The following DNAH5 variants were observed in gnomAD, a reference collection of about 807,000 sequenced individuals.
DNAH5 encodes axonemal beta dynein heavy chain 5.
DNAH5 carries 372 observed loss-of-function variants against 518.2 expected under a neutral mutation model. The ratio of observed to expected loss-of-function variants is 0.72; its 90% confidence interval spans 0.66 to 0.78. DNAH5 has a LOEUF of 0.78. Ranked by LOEUF, DNAH5 falls within the 30% of genes least tolerant of loss-of-function variation. DNAH5 has a pLI of 0.00. For missense variants in DNAH5, 5,523 were observed against 5,687.0 expected (o/e 0.97, Z 0.93); for synonymous variants, 2,039 against 2,025.9 (o/e 1.01, Z -0.17).
chr5:13,926,616 A>G (rs1177207940), intron 3 of DNAH5, among the ~76,000 whole-genome samples: 2 of 152,218 alleles, frequency 1.3e-5, no homozygotes, highest in African/African-American at 4.8e-5. Context: ...TTGTAATTTG[A>G]AATGACTATA....
intron 75 of DNAH5, among the ~76,000 whole-genome samples, chr5:13,710,555 G>T (rs1447717895): frequency 1.3e-5 from 2 of 152,020 alleles, no homozygotes; most frequent in Non-Finnish European, 2.9e-5. Flanking sequence ...CAAAAAGCTG[G>T]TTCTTTGAAA....
intron 11 of DNAH5, among the ~76,000 whole-genome samples, chr5:13,912,860 C>A (rs1246615151): frequency 6.6e-6 from 1 of 151,774 alleles, no homozygotes; most frequent in Non-Finnish European, 1.5e-5. Flanking sequence ...CAAACTCAAT[C>A]TACTTAATTA....
chr5:13,993,047 T>A (rs184741861), intron 1 of DNAH5, among the ~76,000 whole-genome samples: 2 of 152,306 alleles, frequency 1.3e-5, no homozygotes, highest in East Asian at 3.9e-4. Context: ...CTATTAGACA[T>A]AAGCCAATGA....
chr5:13,819,384 A>G (rs1185076580), intron 41 of DNAH5, among the ~76,000 whole-genome samples: 1 of 152,158 alleles, frequency 6.6e-6, no homozygotes, highest in Non-Finnish European at 1.5e-5. Context: ...ACTTCCTCCA[A>G]TAACTGAGGA....
At chr5:13,754,444 T>A in intron 61 of DNAH5, 106 bp from the exon 62 acceptor site, 1 of 1,252,850 alleles carries the variant, frequency 8.0e-7, no homozygotes, top group Non-Finnish European at 1.2e-6. Flanking sequence ...TCCTGAGACA[T>A]GTGAGCCATT....
chr5:13,717,129 T>C (rs1423022682), intron 73 of DNAH5, among the ~76,000 whole-genome samples, 186 bp downstream of exon 73: 1 of 152,094 alleles, frequency 6.6e-6, no homozygotes, highest in African/African-American at 2.4e-5. Flanking sequence ...AAAATAATAA[T>C]CAAAATTTGA....
intron 26 of DNAH5, 151 bp from the exon 27 acceptor site, chr5:13,866,057 A>G (rs1769196501): frequency 7.7e-6 from 7 of 908,436 alleles, no homozygotes; most frequent in Non-Finnish European, 6.9e-6. Context: ...ATTAATTCAT[A>G]GAAACTACTT....
intron 1 of DNAH5, among the ~76,000 whole-genome samples, chr5:13,989,704 C>G (rs550371127): frequency 6.6e-6 from 1 of 152,044 alleles, no homozygotes; most frequent in Non-Finnish European, 1.5e-5. Flanking sequence ...AGGATGATCT[C>G]GATCTCCTGA....
Position 13,778,596 on chromosome 5 carries a change from A to AGAGAGAGAAAGAAAG in DNAH5, c.8952-1242_8952-1241insCTTTCTTTCTCTCTC, listed in dbSNP as rs1554044722. On this transcript the variant is annotated intron_variant, in intron 53 of 78. Coordinates refer to ENST00000265104, the MANE Select transcript of DNAH5 (RefSeq NM_001369.3). ...AAAGAAAGAAAGAAAGAAAGAAAGAAAGAGAGAGAGAAAGAAAAAGAAAGA... is the reference window on the plus strand; with the variant it reads ...AAAGAAAGAAAGAAAGAAAGAAAGAAGAGAGAGAAAGAAAGAGAGAGAGAGAAAGAAAAAGAAAGA... Among the ~76,000 whole-genome samples, 66 of 102,236 alleles carry AGAGAGAGAAAGAAAG rather than the reference A, an allele frequency of 6.5e-4. 1 individual carries two copies. Among genetic ancestry groups the AGAGAGAGAAAGAAAG allele is most frequent in the African/African-American group, 2.3e-3 (61 of 26,882 alleles). The allele number at this position is 102,236 out of a possible 152,430, so 67.1% of individuals were successfully genotyped here.
chr5:13,794,357 T>G (rs1757500285), intron 47 of DNAH5, among the ~76,000 whole-genome samples: 1 of 152,250 alleles, frequency 6.6e-6, no homozygotes, highest in Non-Finnish European at 1.5e-5. Flanking sequence ...CTTCTGTTGG[T>G]GACACTATGT....
intron 35 of DNAH5, among the ~76,000 whole-genome samples, chr5:13,838,748 C>G (rs1764753141): frequency 6.6e-6 from 1 of 152,282 alleles, no homozygotes; most frequent in East Asian, 1.9e-4. Context: ...CACCCACCCC[C>G]TGGTCTGTAG....
chr5:13,902,195 A>T (rs1774723964), intron 12 of DNAH5, 57 bp from the exon 13 acceptor site: 1 of 1,296,994 alleles, frequency 7.7e-7, no homozygotes, highest in African/African-American at 1.4e-5. Context: ...ACTGTTTAGC[A>T]ACAAGATAAA....
intron 12 of DNAH5, 42 bp downstream of exon 12, chr5:13,911,344 T>C (rs929961921): frequency 2.0e-6 from 3 of 1,506,088 alleles, no homozygotes; most frequent in Non-Finnish European, 2.8e-6. Flanking sequence ...AAGGAAAAAA[T>C]AAACACACGA....
chr5:13,921,908 T>C (rs1777345133), intron 5 of DNAH5, among the ~76,000 whole-genome samples, 199 bp downstream of exon 5: 1 of 152,196 alleles, frequency 6.6e-6, no homozygotes, highest in African/African-American at 2.4e-5. Context: ...AACCCCTGAA[T>C]GTGTTGATCA....
intron 22 of DNAH5, among the ~76,000 whole-genome samples, chr5:13,875,129 A>G (rs985326320): frequency 6.6e-6 from 1 of 152,206 alleles, no homozygotes; most frequent in Non-Finnish European, 1.5e-5. Flanking sequence ...AGGAAAACTA[A>G]TATCTGAGCA....
At chr5:13,986,310 A>G (rs1783053987) in intron 1 of DNAH5, among the ~76,000 whole-genome samples, 3 of 152,116 alleles carry the variant, frequency 2.0e-5, no homozygotes, top group African/African-American at 7.2e-5. Context: ...AACATCCTCC[A>G]CTTCCCTGGT....
intron 7 of DNAH5, 54 bp from the exon 8 acceptor site, chr5:13,917,310 C>A: frequency 7.6e-7 from 1 of 1,308,994 alleles, no homozygotes; most frequent in Non-Finnish European, 1.1e-6. Flanking sequence ...GAGGAACTTC[C>A]AACACAACCA....
chr5:13,891,904 G>A (rs1266925687), intron 16 of DNAH5, among the ~76,000 whole-genome samples: 1 of 152,080 alleles, frequency 6.6e-6, no homozygotes, highest in Non-Finnish European at 1.5e-5. Flanking sequence ...GATTACTAAT[G>A]GATATCCATC....
At chr5:14,003,937 T>C (rs570783081) in intron 1 of DNAH5, among the ~76,000 whole-genome samples, 4 of 152,242 alleles carry the variant, frequency 2.6e-5, no homozygotes, top group Admixed American at 1.3e-4. Context: ...CCAAGCCCCA[T>C]AGGAGAGACC....
Sources: gnomAD v4.1 joint callset for allele counts (sites outside exome capture counted in the v4.1 genomes callset) on GRCh38, gnomAD v4.1.1 for gene constraint, MANE v1.5 for transcripts, NCBI Gene and HGNC (gene_info 2026-07-23, HGNC 2026-07-21) for gene names.